The following MPZL2 variants were observed in gnomAD, a reference collection of about 807,000 sequenced individuals.
The protein encoded by MPZL2 is myelin protein zero like 2, also known as myelin protein zero-like protein 2.
A neutral mutation model predicts 24.5 loss-of-function variants in MPZL2; 32 were observed. The observed-to-expected ratio is 1.31, with a 90% CI of 0.99 to 1.76. The LOEUF (loss-of-function observed/expected upper bound fraction) is 1.76, where lower values mean the gene tolerates loss of function less well. Ranked by LOEUF, MPZL2 falls within the 40% of genes most tolerant of loss-of-function variation. The pLI is 0.00. For missense variants in MPZL2, 304 were observed against 274.9 expected (o/e 1.11, Z -0.75); for synonymous variants, 92 against 97.9 (o/e 0.94, Z 0.36).
At position 118,254,097 on chromosome 11, in the gene MPZL2, A is replaced by C. The variant is rs1453975696; in HGVS notation, c.*1149T>G. 6.6e-6 allele frequency: 1 copy of C among 152,350 alleles called. No individual in the cohort carries two copies. Among genetic ancestry groups the C allele is most frequent in the African/African-American group, 2.4e-5 (1 of 41,444 alleles). The allele number at this position is 152,350 out of a possible 1,614,324, so 9.4% of individuals were successfully genotyped here. A position where few individuals can be genotyped will look rare whatever the true frequency, so the allele number is the denominator to read the frequency against. ...TTTTCTTTCAATAGCCCACTTATAAAGTTTGCTTTATCTACCAGTATGGGG... is the reference window on the plus strand; with the variant it reads ...TTTTCTTTCAATAGCCCACTTATAACGTTTGCTTTATCTACCAGTATGGGG... On this transcript the variant is annotated 3_prime_UTR_variant, in exon 6 of 6. Transcript: ENST00000278937.
rs529821100 is a variant in MPZL2 at position 118,255,070 on chromosome 11, T to C, written c.*176A>G. The C allele has an allele frequency of 2.4e-4, 37 of 152,316 alleles. No homozygotes were observed. The highest frequency in any genetic ancestry group is 8.9e-4 in the African/African-American group (37 of 41,558). 9.4% of individuals were successfully genotyped at this position (152,316 alleles called of 1,614,324 possible). Reference sequence around the variant, plus strand: ...TAATGAGGCTGTGTATGACTGGTGATATGGAGGAGCACTGTGCTGGCTCCA... The same window carrying C: ...TAATGAGGCTGTGTATGACTGGTGACATGGAGGAGCACTGTGCTGGCTCCA... On this transcript the variant is annotated 3_prime_UTR_variant, in exon 6 of 6. Transcript: ENST00000278937.
At position 118,264,252 on chromosome 11, in the gene MPZL2, C is replaced by T; in HGVS notation, c.-99G>A. 1 of 1,175,082 alleles carries T rather than the reference C, an allele frequency of 8.5e-7. No homozygotes were observed. Among genetic ancestry groups the T allele is most frequent in the Non-Finnish European group, 1.3e-6 (1 of 789,030 alleles). 72.8% of individuals were successfully genotyped at this position (1,175,082 alleles called of 1,614,324 possible). ...CCGGGAGGAGCAAGCACCGCGTTTTCCCAGAGAGAGGAGTTTGAGTTGAGT... is the reference window on the plus strand; with the variant it reads ...CCGGGAGGAGCAAGCACCGCGTTTTTCCAGAGAGAGGAGTTTGAGTTGAGT... On this transcript the variant is annotated 5_prime_UTR_variant, in exon 1 of 6. Coordinates refer to ENST00000278937, the MANE Select transcript of MPZL2 (RefSeq NM_005797.4).
Position 118,263,024 on chromosome 11 carries a change from C to T in MPZL2, c.132G>A (p.Arg44=), listed in dbSNP as rs745682921. Residue 44 remains arginine (R), a synonymous_variant, in exon 2 of 6, where the codon CGG becomes CGA. Transcript: ENST00000278937. ...CAAAGCTGGAGAAAGTGCATTTTAA[C>T]CGAGCATCTGTCCCATTAACAGCCT... ...VLEAVNGTDA[R]LKCTFSSFAP... 6.2e-7 allele frequency: 1 copy of T among 1,614,172 alleles called. No individual in the cohort carries two copies. Among genetic ancestry groups the T allele is most frequent in the Admixed American group, 1.7e-5 (1 of 60,026 alleles).
chr11:118,262,852 T>G, intron 2 of MPZL2, 79 bp downstream of exon 2: 3 of 1,523,288 alleles, frequency 2.0e-6, no homozygotes, highest in South Asian at 2.4e-5. Flanking sequence ...AGAAAAATAC[T>G]GGAAGGGAAA....
intron 4 of MPZL2, among the ~76,000 whole-genome samples, chr11:118,257,966 T>C (rs1167133587): frequency 1.3e-5 from 2 of 151,660 alleles, no homozygotes; most frequent in African/African-American, 2.4e-5. Context: ...GCTGAGATCA[T>C]GCCATTGCAC....
At chr11:118,256,307 A>G (rs1949659641) in intron 5 of MPZL2, among the ~76,000 whole-genome samples, 1 of 152,216 alleles carries the variant, frequency 6.6e-6, no homozygotes, top group South Asian at 2.1e-4. Flanking sequence ...TATAACATCT[A>G]GAAATTAAAT....
At chr11:118,262,881 A>C (rs1475519341) in intron 2 of MPZL2, 50 bp downstream of exon 2, 1 of 1,585,808 alleles carries the variant, frequency 6.3e-7, no homozygotes, top group Non-Finnish European at 8.6e-7. Flanking sequence ...GGACTGGCTT[A>C]TTATTTCCCT....
rs1345349885 is a variant in MPZL2, at chr11:118,254,638, C to A, written c.*608G>T. The A allele has an allele frequency of 6.6e-6, 1 of 151,988 alleles. No homozygotes were observed. The highest frequency in any genetic ancestry group is 1.5e-5 in the Non-Finnish European group (1 of 67,988). The allele number at this position is 151,988 out of a possible 1,614,324, so 9.4% of individuals were successfully genotyped here. A position where few individuals can be genotyped will look rare whatever the true frequency, so the allele number is the denominator to read the frequency against. ...CTATTGTAAATCTTGGATTAATTAA[C>A]AAAACAACAAAAATCTATCACCTGG... On this transcript the variant is annotated 3_prime_UTR_variant, in exon 6 of 6. Coordinates refer to ENST00000278937, the MANE Select transcript of MPZL2 (RefSeq NM_005797.4).
chr11:118,263,278 C>T, intron 1 of MPZL2, 181 bp from the exon 2 acceptor site: 1 of 591,852 alleles, frequency 1.7e-6, no homozygotes. Context: ...CAGCCTGGAC[C>T]CTCCCATTCC....
intron 3 of MPZL2, among the ~76,000 whole-genome samples, chr11:118,260,948 C>T (rs1407658375): frequency 1.3e-5 from 2 of 152,164 alleles, no homozygotes; most frequent in Admixed American, 1.3e-4. Flanking sequence ...GCCCAGGATT[C>T]CCAGCCTTGA....
In MPZL2 at chr11:118,254,089, A is replaced by C. The variant is rs1949647655; in HGVS notation, c.*1157T>G. On this transcript the variant is annotated 3_prime_UTR_variant, in exon 6 of 6. Coordinates refer to ENST00000278937, the MANE Select transcript of MPZL2 (RefSeq NM_005797.4). The stretch of plus-strand genomic sequence containing the variant: ...CTTGTAACTTTTCTTTCAATAGCCC[A>C]CTTATAAAGTTTGCTTTATCTACCA... 1 of 152,352 alleles carries C rather than the reference A, an allele frequency of 6.6e-6. No homozygotes were observed. The highest frequency in any genetic ancestry group is 1.5e-5 in the Non-Finnish European group (1 of 67,990). 9.4% of individuals were successfully genotyped at this position (152,352 alleles called of 1,614,324 possible).
chr11:118,262,204 TTC>T (rs1949704764), intron 3 of MPZL2, among the ~76,000 whole-genome samples: 1 of 152,184 alleles, frequency 6.6e-6, no homozygotes, highest in Non-Finnish European at 1.5e-5. Flanking sequence ...TTGTAACGGA[TTC>T]TCTGAGTTCC....
At chr11:118,255,927 TTTGA>T (rs1228020921) in intron 5 of MPZL2, among the ~76,000 whole-genome samples, 1 of 152,224 alleles carries the variant, frequency 6.6e-6, no homozygotes, top group African/African-American at 2.4e-5. Flanking sequence ...CACATTGCAC[TTTGA>T]TTGTGTTCAT....
chr11:118,262,399 C>G (rs369174300), intron 3 of MPZL2, 39 bp downstream of exon 3: 1 of 1,597,724 alleles, frequency 6.3e-7, no homozygotes, highest in African/African-American at 1.3e-5. Context: ...TCTACAAGCT[C>G]TCATCCTTTC....
intron 5 of MPZL2, 106 bp from the exon 6 acceptor site, chr11:118,255,339 T>A (rs1208890049): frequency 6.6e-6 from 1 of 152,222 alleles, no homozygotes; most frequent in Admixed American, 6.5e-5. Context: ...GAAAATATTC[T>A]GAGGGAAAGT....
chr11:118,256,279 A>G (rs999880345), intron 5 of MPZL2, among the ~76,000 whole-genome samples: 10 of 152,218 alleles, frequency 6.6e-5, no homozygotes, highest in African/African-American at 2.2e-4. Flanking sequence ...GTAAAATTTA[A>G]GTTTGCATGT....
At chr11:118,258,068 G>A (rs1421850469) in intron 4 of MPZL2, among the ~76,000 whole-genome samples, 2 of 151,922 alleles carry the variant, frequency 1.3e-5, no homozygotes, top group Non-Finnish European at 2.9e-5. Context: ...GAGATAAATG[G>A]TGCTGGAACA....
At chr11:118,262,754 G>T in intron 2 of MPZL2, 106 bp from the exon 3 acceptor site, 1 of 1,356,162 alleles carries the variant, frequency 7.4e-7, no homozygotes, top group Non-Finnish European at 1.0e-6. Context: ...TGTCCTGTCT[G>T]CAGCTCTGTC....
intron 5 of MPZL2, 59 bp downstream of exon 5, chr11:118,257,179 A>G: frequency 7.9e-7 from 1 of 1,270,696 alleles, no homozygotes; most frequent in Non-Finnish European, 1.1e-6. Context: ...TCCTCATTAG[A>G]GATGGGCTGG....
Sources: gnomAD v4.1 joint callset for allele counts (sites outside exome capture counted in the v4.1 genomes callset) on GRCh38, gnomAD v4.1.1 for gene constraint, MANE v1.5 for transcripts, NCBI Gene and HGNC (gene_info 2026-07-23, HGNC 2026-07-21) for gene names.